SSH1: variants seen among roughly 807,000 people sequenced by gnomAD.
The protein encoded by SSH1 is protein phosphatase Slingshot homolog 1.
In SSH1, 43 loss-of-function variants were observed where a neutral mutation model predicts 79.7. The observed-to-expected ratio is 0.54, with a 90% CI of 0.42 to 0.70. The LOEUF (loss-of-function observed/expected upper bound fraction) is 0.70. Ranked by LOEUF, SSH1 falls within the 30% of genes least tolerant of loss-of-function variation. SSH1 has a pLI of 0.00. For missense variants in SSH1, 1,206 were observed against 1,358.8 expected (o/e 0.89, Z 1.77); for synonymous variants, 599 against 538.3 (o/e 1.11, Z -1.56).
intron 3 of SSH1, among the ~76,000 whole-genome samples, chr12:108,821,757 T>A (rs1593090391): frequency 6.6e-6 from 1 of 152,206 alleles, no homozygotes; most frequent in South Asian, 2.1e-4. Context: ...GACCTAAATA[T>A]CATCAACATC....
At chr12:108,810,752 C>T (rs897408507) in intron 6 of SSH1, among the ~76,000 whole-genome samples, 5 of 152,250 alleles carry the variant, frequency 3.3e-5, no homozygotes, top group African/African-American at 1.2e-4. Flanking sequence ...CGCGTGCGGA[C>T]GCTAGACGGC....
chr12:108,851,549 T>C (rs1335803204), intron 2 of SSH1, among the ~76,000 whole-genome samples: 2 of 152,192 alleles, frequency 1.3e-5, no homozygotes, highest in Non-Finnish European at 2.9e-5. Context: ...TATGAAGGAA[T>C]ACATGATATT....
In SSH1 at chr12:108,788,914, C is replaced by T. The variant is rs780559147; in HGVS notation, c.2224G>A (p.Glu742Lys). 6.2e-7 allele frequency: 1 copy of T among 1,614,102 alleles called. No homozygotes were observed. Among genetic ancestry groups the T allele is most frequent in the African/African-American group, 1.3e-5 (1 of 74,922 alleles). ...ACTTTTGGGGTCTCTCTGGAAGGTT[C>T]CAAAAGGCTGGCTGGTGGCTCTAGG... ...AALEPPASLLEPSRETPKVLP... is the reference protein window; with the variant it reads ...AALEPPASLLKPSRETPKVLP... The change falls in exon 15 of 15, where the codon GAA becomes AAA. Residue 742 changes from glutamate to lysine, a missense_variant. Physicochemically the swap from Glu to Lys is moderately conservative, Grantham distance 56. This residue lies in a region of SSH1 where 709 missense variants were observed against 730.6 expected (regional missense o/e 0.97). Transcript: ENST00000326495.
At chr12:108,851,081 T>C (rs2039029482) in intron 2 of SSH1, among the ~76,000 whole-genome samples, 2 of 152,102 alleles carry the variant, frequency 1.3e-5, no homozygotes, top group South Asian at 4.1e-4. Context: ...GGCCCTGACC[T>C]GACCAATCAA....
At chr12:108,822,007 G>A (rs1199282377) in intron 3 of SSH1, among the ~76,000 whole-genome samples, 4 of 152,194 alleles carry the variant, frequency 2.6e-5, no homozygotes, top group African/African-American at 9.7e-5. Context: ...AATGCCCTGA[G>A]ATGCTGTCCA....
rs1319859055 is a variant in SSH1, at chr12:108,782,957, G to A, written c.*5031C>T. 1 of 152,148 alleles carries A rather than the reference G, an allele frequency of 6.6e-6. No individual in the cohort carries two copies. The highest frequency in any genetic ancestry group is 6.5e-5 in the Admixed American group (1 of 15,268). The allele number at this position is 152,148 out of a possible 1,614,324, so 9.4% of individuals were successfully genotyped here. ...CTCATGGTGTGGAGCTCCTGATTGG[G>A]GAAGGGACAGGGATTGGTCTGTACC... On this transcript the variant is annotated 3_prime_UTR_variant, in exon 15 of 15. Transcript: ENST00000326495.
chr12:108,820,069 G>C (rs1477007460), intron 3 of SSH1, among the ~76,000 whole-genome samples: 1 of 151,854 alleles, frequency 6.6e-6, no homozygotes, highest in East Asian at 1.9e-4. Flanking sequence ...ATAGAGACAG[G>C]GTTTTGCCAT....
At chr12:108,845,325 C>G (rs1256182126) in intron 2 of SSH1, among the ~76,000 whole-genome samples, 2 of 152,010 alleles carry the variant, frequency 1.3e-5, no homozygotes, top group African/African-American at 2.4e-5. Context: ...AGTTCCCGAA[C>G]AGAGAACCCA....
intron 10 of SSH1, among the ~76,000 whole-genome samples, chr12:108,804,066 T>A (rs926033287): frequency 2.0e-5 from 3 of 152,190 alleles, no homozygotes; most frequent in Admixed American, 1.3e-4. Context: ...GCTTTAAATA[T>A]GTATTTTTAA....
rs577645668 is a variant in SSH1, at chr12:108,778,740, TACCACCACC to T, written c.*9239_*9247del. ...CAATTTCAAGAGCAAGAGGGAGGTC[TACCACCACC>T]ACCACCACCACCACCACAATGTACC... On this transcript the variant is annotated 3_prime_UTR_variant, in exon 15 of 15. Transcript: ENST00000326495. The T allele has an allele frequency of 3.9e-5, 6 of 153,238 alleles. No individual in the cohort carries two copies. The highest frequency in any genetic ancestry group is 7.3e-5 in the Non-Finnish European group (5 of 68,112). 9.5% of individuals were successfully genotyped at this position (153,238 alleles called of 1,614,324 possible).
chr12:108,829,603 G>A (rs2038424168), intron 2 of SSH1, among the ~76,000 whole-genome samples: 1 of 152,152 alleles, frequency 6.6e-6, no homozygotes, highest in African/African-American at 2.4e-5. Context: ...CTGCCCTGCT[G>A]CATAGAAACA....
chr12:108,854,807 C>A (rs1317224862), intron 1 of SSH1, among the ~76,000 whole-genome samples: 1 of 152,204 alleles, frequency 6.6e-6, no homozygotes, highest in African/African-American at 2.4e-5. Flanking sequence ...GGCCCACACA[C>A]AGGAAGCAAC....
intron 1 of SSH1, among the ~76,000 whole-genome samples, chr12:108,855,490 A>G (rs2039126262): frequency 1.3e-5 from 2 of 152,234 alleles, no homozygotes. Context: ...TGGCAAATTT[A>G]TGGTATGTAA....
chr12:108,817,293 G>A, intron 4 of SSH1, 134 bp from the exon 5 acceptor site: 1 of 1,364,540 alleles, frequency 7.3e-7, no homozygotes, highest in Non-Finnish European at 1.0e-6. Context: ...AAAATTCTTG[G>A]CTGGGCATGG....
chr12:108,835,884 T>C (rs75254206), intron 2 of SSH1, among the ~76,000 whole-genome samples: 4 of 131,024 alleles, frequency 3.1e-5, no homozygotes, highest in Non-Finnish European at 4.9e-5. Flanking sequence ...TTATATTAAT[T>C]AATTATAACT....
At chr12:108,832,909 G>A (rs1029056036) in intron 2 of SSH1, among the ~76,000 whole-genome samples, 1 of 152,182 alleles carries the variant, frequency 6.6e-6, no homozygotes, top group Admixed American at 6.5e-5. Context: ...TTCCAGCTCT[G>A]CAGAGCGTTA....
chr12:108,827,133 C>A (rs1319710634), intron 2 of SSH1: 2 of 797,612 alleles, frequency 2.5e-6, no homozygotes, highest in Non-Finnish European at 1.9e-6. Context: ...TTCTCCAAAG[C>A]ATTGAAGACA....
At chr12:108,845,444 T>C (rs1296373843) in intron 2 of SSH1, among the ~76,000 whole-genome samples, 1 of 152,094 alleles carries the variant, frequency 6.6e-6, no homozygotes, top group Non-Finnish European at 1.5e-5. Flanking sequence ...TCCCAGCACT[T>C]TGGGAGGCCA....
At chr12:108,795,453 CTA>C (rs1214847563) in intron 13 of SSH1, among the ~76,000 whole-genome samples, 1 of 152,088 alleles carries the variant, frequency 6.6e-6, no homozygotes, top group Non-Finnish European at 1.5e-5. Context: ...TGGGGTTTCA[CTA>C]TGTTGGCCAG....
Sources: allele counts gnomAD v4.1 joint callset (sites outside exome capture counted in the v4.1 genomes callset), GRCh38; gene constraint gnomAD v4.1.1; regional missense constraint gnomAD v4.1.1; transcripts MANE v1.5; gene names NCBI Gene and HGNC (gene_info 2026-07-23, HGNC 2026-07-21).